SDK1: variants seen among roughly 807,000 people sequenced by gnomAD.
SDK1 encodes the protein sidekick cell adhesion molecule 1.
A neutral mutation model predicts 245.5 loss-of-function variants in SDK1; 157 were observed. That is an observed-to-expected ratio of 0.64 (90% CI 0.56 to 0.73). SDK1 has a LOEUF of 0.73. SDK1 is among the 30% of genes least tolerant of loss of function. The pLI, the probability that SDK1 is intolerant of heterozygous loss-of-function variation, is 0.00. For missense variants in SDK1, 3,583 were observed against 3,002.3 expected, an observed-to-expected ratio of 1.19 and a Z score of -4.52; for synonymous variants, 1,647 against 1,278.5, an observed-to-expected ratio of 1.29 and a Z score of -6.15.
At chr7:3,878,291 C>T (rs6972032) in intron 5 of SDK1, among the ~76,000 whole-genome samples, 7,150 of 152,124 alleles carry the variant, frequency 0.047, 541 homozygotes, top group African/African-American at 0.16. Flanking sequence ...GAGGCCGAGA[C>T]GGGTGGATCA....
At chr7:3,668,642 T>A (rs1783606929) in intron 4 of SDK1, among the ~76,000 whole-genome samples, 1 of 152,002 alleles carries the variant, frequency 6.6e-6, no homozygotes, top group Non-Finnish European at 1.5e-5. Flanking sequence ...AATACAAAAA[T>A]TAGCCGAGTG....
intron 17 of SDK1, among the ~76,000 whole-genome samples, chr7:4,034,908 C>A (rs6953630): frequency 1.1e-4 from 17 of 152,096 alleles, no homozygotes; most frequent in Non-Finnish European, 2.2e-4. Context: ...TAGAAATCAG[C>A]ATTCTCTGAA....
chr7:3,760,722 G>C (rs978553224), intron 4 of SDK1, among the ~76,000 whole-genome samples: 7 of 152,118 alleles, frequency 4.6e-5, no homozygotes, highest in African/African-American at 1.7e-4. Context: ...GATGATAACC[G>C]GCTCCTGGCA....
chr7:4,205,311 T>C (rs549163349), intron 35 of SDK1, among the ~76,000 whole-genome samples: 5 of 152,288 alleles, frequency 3.3e-5, no homozygotes, highest in South Asian at 2.1e-4. Flanking sequence ...AACACAGCTA[T>C]CTTTTCTCTA....
intron 1 of SDK1, among the ~76,000 whole-genome samples, chr7:3,510,115 A>T (rs2128611216): frequency 6.6e-6 from 1 of 152,284 alleles, no homozygotes; most frequent in East Asian, 1.9e-4. Flanking sequence ...CGTCGACCTT[A>T]TCAAAAGTAG....
chr7:3,386,125 A>T (rs570923840), intron 1 of SDK1, among the ~76,000 whole-genome samples: 1 of 152,308 alleles, frequency 6.6e-6, no homozygotes, highest in South Asian at 2.1e-4. Context: ...CTTATGTTAA[A>T]ATTGATAACT....
At position 3,586,788 on chromosome 7, in the gene SDK1, G is replaced by A. The variant is rs188035495; in HGVS notation, c.299-32292G>A. On this transcript the variant is annotated intron_variant, in intron 1 of 44. Coordinates refer to ENST00000404826, the MANE Select transcript of SDK1 (RefSeq NM_152744.4). ...ACAGAGTAGCCTTAACTGTCATCTG[G>A]GTATCATGTGGGATGTCTTTATGTT... 2.4e-3 allele frequency among the ~76,000 whole-genome samples: 369 copies of A among 152,230 alleles called. 3 individuals carry two copies. The highest frequency in any genetic ancestry group is 0.018 in the South Asian group (86 of 4,814).
At chr7:4,027,197 G>A (rs1373013602) in intron 17 of SDK1, among the ~76,000 whole-genome samples, 1 of 152,216 alleles carries the variant, frequency 6.6e-6, no homozygotes, top group Non-Finnish European at 1.5e-5. Context: ...GCACCCAGGA[G>A]AACTGATACT....
At chr7:3,809,592 C>A (rs745510896) in intron 4 of SDK1, among the ~76,000 whole-genome samples, 3 of 152,194 alleles carry the variant, frequency 2.0e-5, no homozygotes, top group Non-Finnish European at 4.4e-5. Flanking sequence ...TGGTGACAGA[C>A]TGGAAAGGTG....
chr7:4,127,604 C>T (rs1427874125), intron 26 of SDK1, 108 bp downstream of exon 26: 1 of 751,940 alleles, frequency 1.3e-6, no homozygotes, highest in South Asian at 1.6e-5. Flanking sequence ...TACAGATCTG[C>T]AGCGTCAGCC....
chr7:3,566,911 A>T (rs867448937), intron 1 of SDK1, among the ~76,000 whole-genome samples: 1 of 152,134 alleles, frequency 6.6e-6, no homozygotes, highest in African/African-American at 2.4e-5. Flanking sequence ...TTGGCTGAGG[A>T]TGGTAGATAC....
chr7:3,799,660 G>A (rs907045742), intron 4 of SDK1, among the ~76,000 whole-genome samples: 18 of 143,810 alleles, frequency 1.3e-4, no homozygotes, highest in African/African-American at 3.1e-4. Context: ...AGCCAAAATC[G>A]CGCCACTGCA....
intron 4 of SDK1, among the ~76,000 whole-genome samples, chr7:3,805,236 C>G (rs1413517681): frequency 2.0e-5 from 3 of 152,188 alleles, no homozygotes; most frequent in Non-Finnish European, 4.4e-5. Flanking sequence ...GAAACCCTTG[C>G]TGAACTTATT....
chr7:3,859,261 G>C (rs779233136), intron 5 of SDK1, among the ~76,000 whole-genome samples: 3 of 152,166 alleles, frequency 2.0e-5, no homozygotes, highest in Non-Finnish European at 2.9e-5. Context: ...GCCTAGCTGG[G>C]AGGCTGGGCT....
chr7:3,668,737 G>A (rs1320573215), intron 4 of SDK1, among the ~76,000 whole-genome samples: 1 of 152,254 alleles, frequency 6.6e-6, no homozygotes, highest in Non-Finnish European at 1.5e-5. Flanking sequence ...TTTGCAGTGA[G>A]CCAAGATGGC....
intron 22 of SDK1, among the ~76,000 whole-genome samples, chr7:4,110,087 G>A (rs1473305687): frequency 6.6e-6 from 1 of 152,104 alleles, no homozygotes; most frequent in Non-Finnish European, 1.5e-5. Flanking sequence ...AATCTTAAGG[G>A]GACTGGGCCT....
intron 1 of SDK1, among the ~76,000 whole-genome samples, chr7:3,390,598 C>T (rs1391256262): frequency 6.6e-6 from 1 of 152,156 alleles, no homozygotes; most frequent in Non-Finnish European, 1.5e-5. Flanking sequence ...AATCCAATGA[C>T]TAGTATCCTT....
intron 1 of SDK1, among the ~76,000 whole-genome samples, chr7:3,525,830 A>G (rs1783109073): frequency 6.6e-6 from 1 of 152,176 alleles, no homozygotes; most frequent in Non-Finnish European, 1.5e-5. Context: ...ATTTTAGTGT[A>G]ATAATTTGTC....
intron 5 of SDK1, among the ~76,000 whole-genome samples, chr7:3,921,542 T>C (rs1465526972): frequency 1.3e-5 from 2 of 152,190 alleles, no homozygotes; most frequent in African/African-American, 2.4e-5. Context: ...GAACTAGACC[T>C]CTCTTCTCTA....
Sources: gnomAD v4.1 joint callset for allele counts (sites outside exome capture counted in the v4.1 genomes callset) on GRCh38, gnomAD v4.1.1 for gene constraint, MANE v1.5 for transcripts, NCBI Gene and HGNC (gene_info 2026-07-23, HGNC 2026-07-21) for gene names.